Variants in TAFA1 observed in about 807,000 individuals in gnomAD.
The protein encoded by TAFA1 is chemokine-like protein TAFA-1.
Under a neutral mutation model 18.5 loss-of-function variants are expected in TAFA1, and 4 were observed. That is an observed-to-expected ratio of 0.22 (90% CI 0.11 to 0.49). The LOEUF (loss-of-function observed/expected upper bound fraction) is 0.49. TAFA1 is among the 20% of genes least tolerant of loss of function. TAFA1 has a pLI of 0.98. For synonymous variants in TAFA1, 56 were observed against 55.2 expected (o/e 1.01, Z -0.06); for missense variants, 147 against 169.0 (o/e 0.87, Z 0.72).
intron 3 of TAFA1, among the ~76,000 whole-genome samples, chr3:68,502,406 A>T (rs2106709604): frequency 6.6e-6 from 1 of 152,272 alleles, no homozygotes; most frequent in Non-Finnish European, 1.5e-5. Context: ...CTCAGCTACC[A>T]TGCCCAAATA....
intron 2 of TAFA1, among the ~76,000 whole-genome samples, chr3:68,017,094 A>T (rs574088545): frequency 6.6e-6 from 1 of 152,236 alleles, no homozygotes; most frequent in Non-Finnish European, 1.5e-5. Flanking sequence ...AATATGTGGC[A>T]TAGCAAAAAG....
intron 2 of TAFA1, among the ~76,000 whole-genome samples, chr3:68,090,225 T>C (rs1239457372): frequency 6.6e-6 from 1 of 152,196 alleles, no homozygotes; most frequent in African/African-American, 2.4e-5. Context: ...CTGCAAGATA[T>C]GTTTCTGTCT....
intron 3 of TAFA1, among the ~76,000 whole-genome samples, chr3:68,428,431 A>C (rs2071100056): frequency 6.6e-6 from 1 of 151,938 alleles, no homozygotes; most frequent in African/African-American, 2.4e-5. Flanking sequence ...AGTCATAAAC[A>C]CAGGCATCCT....
intron 2 of TAFA1, among the ~76,000 whole-genome samples, chr3:68,401,482 T>C (rs1230381034): frequency 1.3e-5 from 2 of 152,156 alleles, no homozygotes; most frequent in Non-Finnish European, 2.9e-5. Context: ...TGGCATCAAA[T>C]AATACTAACA....
rs531882217 is a variant in TAFA1, at chr3:68,187,388, G to C, written c.118+180644G>C. Reference sequence around the variant, plus strand: ...GCCCCTTCTAATCACCTTCATCCCTGGCCAAAGGTATGATTCTGTTTAACT... The same window carrying C: ...GCCCCTTCTAATCACCTTCATCCCTCGCCAAAGGTATGATTCTGTTTAACT... On this transcript the variant is annotated intron_variant, in intron 2 of 4. Coordinates refer to ENST00000478136, the MANE Select transcript of TAFA1 (RefSeq NM_213609.4). 1.7e-3 allele frequency among the ~76,000 whole-genome samples: 263 copies of C among 151,934 alleles called. 1 individual carries two copies. Among genetic ancestry groups the C allele is most frequent in the African/African-American group, 5.9e-3 (243 of 41,492 alleles).
intron 3 of TAFA1, among the ~76,000 whole-genome samples, chr3:68,467,313 G>T (rs2071907584): frequency 6.6e-6 from 1 of 152,166 alleles, no homozygotes; most frequent in Admixed American, 6.6e-5. Context: ...GACAGGCATA[G>T]GAAATTATAA....
chr3:68,140,293 C>T (rs2065654157), intron 2 of TAFA1, among the ~76,000 whole-genome samples: 1 of 152,188 alleles, frequency 6.6e-6, no homozygotes, highest in Non-Finnish European at 1.5e-5. Flanking sequence ...AGGTGATCTG[C>T]TCCCAAAACT....
At chr3:68,485,149 T>A (rs1359926883) in intron 3 of TAFA1, among the ~76,000 whole-genome samples, 3 of 152,070 alleles carry the variant, frequency 2.0e-5, no homozygotes, top group Non-Finnish European at 4.4e-5. Flanking sequence ...CAAATAACTG[T>A]CTTTTCTCTT....
intron 2 of TAFA1, among the ~76,000 whole-genome samples, chr3:68,073,462 C>A (rs1256064866): frequency 2.0e-5 from 3 of 152,188 alleles, no homozygotes; most frequent in Non-Finnish European, 2.9e-5. Context: ...CTAACTCTTT[C>A]TTTTTCCTCT....
intron 2 of TAFA1, among the ~76,000 whole-genome samples, chr3:68,191,285 G>A (rs1167796893): frequency 6.6e-6 from 1 of 151,738 alleles, no homozygotes; most frequent in Non-Finnish European, 1.5e-5. Context: ...AAAAAGTTGA[G>A]TGTGTGCTCA....
At chr3:68,287,297 T>C (rs1259991456) in intron 2 of TAFA1, among the ~76,000 whole-genome samples, 1 of 152,212 alleles carries the variant, frequency 6.6e-6, no homozygotes, top group African/African-American at 2.4e-5. Context: ...AGGAACTGGC[T>C]GCTCTTTGCC....
intron 3 of TAFA1, among the ~76,000 whole-genome samples, chr3:68,449,359 G>A (rs959532352): frequency 2.0e-5 from 3 of 152,120 alleles, no homozygotes; most frequent in African/African-American, 7.2e-5. Context: ...AGACAAAAGG[G>A]GAGAGGTAAG....
chr3:68,096,903 T>C (rs1377746769), intron 2 of TAFA1, among the ~76,000 whole-genome samples: 3 of 152,066 alleles, frequency 2.0e-5, no homozygotes, highest in African/African-American at 7.2e-5. Context: ...TCAGATAGAT[T>C]GGAGAGTTTT....
intron 2 of TAFA1, among the ~76,000 whole-genome samples, chr3:68,035,273 C>T (rs1008537103): frequency 2.6e-5 from 4 of 152,144 alleles, no homozygotes; most frequent in Non-Finnish European, 5.9e-5. Flanking sequence ...GTTGAGGCAT[C>T]TCTCACTCAG....
At chr3:68,204,230 A>C (rs559980493) in intron 2 of TAFA1, among the ~76,000 whole-genome samples, 35 of 151,836 alleles carry the variant, frequency 2.3e-4, no homozygotes, top group Admixed American at 7.2e-4. Flanking sequence ...TGTTTGGGTG[A>C]AGTGGCAACT....
chr3:68,406,654 T>C (rs1027918230), intron 2 of TAFA1, among the ~76,000 whole-genome samples: 5 of 152,156 alleles, frequency 3.3e-5, no homozygotes, highest in African/African-American at 1.2e-4. Flanking sequence ...GCAAGCAAAT[T>C]TGAGGACAGA....
At chr3:68,048,862 T>C (rs2064429790) in intron 2 of TAFA1, among the ~76,000 whole-genome samples, 1 of 152,192 alleles carries the variant, frequency 6.6e-6, no homozygotes, top group African/African-American at 2.4e-5. Context: ...TATTCATCTG[T>C]TGATGTACAC....
intron 3 of TAFA1, among the ~76,000 whole-genome samples, chr3:68,535,937 G>T (rs902651029): frequency 1.3e-5 from 2 of 152,168 alleles, no homozygotes; most frequent in African/African-American, 2.4e-5. Flanking sequence ...ATGGGATATG[G>T]TGTCCACTGA....
intron 2 of TAFA1, among the ~76,000 whole-genome samples, chr3:68,209,587 T>C (rs1368257423): frequency 6.6e-6 from 1 of 152,086 alleles, no homozygotes; most frequent in Admixed American, 6.6e-5. Context: ...ACATTATATG[T>C]GTTCTCAGCA....
Sources: allele counts gnomAD v4.1 joint callset (sites outside exome capture counted in the v4.1 genomes callset), GRCh38; gene constraint gnomAD v4.1.1; transcripts MANE v1.5; gene names NCBI Gene and HGNC (gene_info 2026-07-23, HGNC 2026-07-21).